PPM1E: variants seen among roughly 807,000 people sequenced by gnomAD.
The protein encoded by PPM1E is protein phosphatase, Mg2+/Mn2+ dependent 1E, also known as protein phosphatase 1E.
PPM1E carries 20 observed loss-of-function variants against 65.9 expected under a neutral mutation model. The ratio of observed to expected loss-of-function variants is 0.30; its 90% confidence interval spans 0.21 to 0.44. The LOEUF is 0.44. PPM1E is among the 20% of genes least tolerant of loss of function. PPM1E has a pLI of 1.00. For missense variants in PPM1E, 713 were observed against 953.1 expected (o/e 0.75, Z 3.32); for synonymous variants, 352 against 374.9 (o/e 0.94, Z 0.70).
intron 1 of PPM1E, among the ~76,000 whole-genome samples, chr17:58,878,970 G>T (rs1225423040): frequency 1.3e-5 from 2 of 151,220 alleles, no homozygotes. Flanking sequence ...AAACTTAAAT[G>T]ATTTTATTTT....
At chr17:58,860,710 G>A (rs2050930177) in intron 1 of PPM1E, among the ~76,000 whole-genome samples, 2 of 152,208 alleles carry the variant, frequency 1.3e-5, no homozygotes, top group Non-Finnish European at 2.9e-5. Flanking sequence ...TTGGGAGGCC[G>A]AGGCGGGCAG....
At chr17:58,840,123 G>A (rs948106646) in intron 1 of PPM1E, among the ~76,000 whole-genome samples, 2 of 152,202 alleles carry the variant, frequency 1.3e-5, no homozygotes, top group African/African-American at 4.8e-5. Context: ...CTCATGTGAA[G>A]CTTCCAGTTT....
chr17:58,768,061 C>T (rs1268480028), intron 1 of PPM1E, among the ~76,000 whole-genome samples: 1 of 152,088 alleles, frequency 6.6e-6, no homozygotes, highest in Admixed American at 6.6e-5. Context: ...AAGGATTCTC[C>T]TGCCTCATCC....
At chr17:58,887,507 A>G (rs1461898136) in intron 1 of PPM1E, among the ~76,000 whole-genome samples, 2 of 152,184 alleles carry the variant, frequency 1.3e-5, no homozygotes, top group African/African-American at 4.8e-5. Flanking sequence ...AAATAAGTGA[A>G]TGCATGAATG....
chr17:58,972,703 C>A (rs2030720443), intron 5 of PPM1E, 129 bp from the exon 6 acceptor site: 1 of 821,544 alleles, frequency 1.2e-6, no homozygotes, highest in Non-Finnish European at 2.0e-6. Context: ...ACTGTGCCCA[C>A]CCTCCAATGG....
intron 1 of PPM1E, among the ~76,000 whole-genome samples, chr17:58,901,949 C>G (rs749432624): frequency 6.6e-6 from 1 of 151,998 alleles, no homozygotes; most frequent in Admixed American, 6.6e-5. Context: ...GCACTCCAGC[C>G]TGGGCAACAA....
intron 1 of PPM1E, among the ~76,000 whole-genome samples, chr17:58,806,640 T>C (rs1236738460): frequency 6.6e-6 from 1 of 151,920 alleles, no homozygotes; most frequent in Non-Finnish European, 1.5e-5. Context: ...GGAAGGAATA[T>C]GAAAGTGGCT....
At chr17:58,834,735 G>A (rs2050637271) in intron 1 of PPM1E, among the ~76,000 whole-genome samples, 1 of 151,934 alleles carries the variant, frequency 6.6e-6, no homozygotes, top group South Asian at 2.1e-4. Context: ...GCTCTTTTTT[G>A]TTCTATTGAT....
intron 2 of PPM1E, among the ~76,000 whole-genome samples, chr17:58,960,500 C>T (rs947906764): frequency 6.6e-6 from 1 of 152,058 alleles, no homozygotes; most frequent in African/African-American, 2.4e-5. Context: ...TTCTGGCCAG[C>T]ACGGTGGCTC....
intron 1 of PPM1E, among the ~76,000 whole-genome samples, chr17:58,930,467 A>T (rs1567878260): frequency 6.6e-6 from 1 of 152,174 alleles, no homozygotes; most frequent in Admixed American, 6.5e-5. Flanking sequence ...CTGTCTCAAA[A>T]AAAGAAAAGA....
chr17:58,814,434 C>T (rs1318822428), intron 1 of PPM1E, among the ~76,000 whole-genome samples: 5 of 152,146 alleles, frequency 3.3e-5, no homozygotes, highest in African/African-American at 1.2e-4. Context: ...TGTATTACTA[C>T]CCCAATATAT....
chr17:58,805,372 T>A (rs756873143), intron 1 of PPM1E, among the ~76,000 whole-genome samples: 45 of 152,166 alleles, frequency 3.0e-4, no homozygotes, highest in Non-Finnish European at 6.2e-4. Context: ...TGCCTCAACC[T>A]CCCGAGTAAC....
At chr17:58,919,153 G>C (rs564924560) in intron 1 of PPM1E, among the ~76,000 whole-genome samples, 1 of 152,244 alleles carries the variant, frequency 6.6e-6, no homozygotes, top group African/African-American at 2.4e-5. Flanking sequence ...AATGCCTAAA[G>C]GTTTTATGGC....
chr17:58,882,126 C>G (rs567032823), intron 1 of PPM1E, among the ~76,000 whole-genome samples: 3 of 151,898 alleles, frequency 2.0e-5, no homozygotes, highest in South Asian at 2.1e-4. Context: ...GAGCCATTAT[C>G]ATGTCACTGC....
intron 1 of PPM1E, among the ~76,000 whole-genome samples, chr17:58,932,159 T>TA (rs774260500): frequency 6.6e-6 from 1 of 151,812 alleles, no homozygotes; most frequent in Non-Finnish European, 1.5e-5. Context: ...GGGTGAGAGA[T>TA]AGTAGGAAGT....
At chr17:58,935,970 C>G (rs187582082) in intron 1 of PPM1E, among the ~76,000 whole-genome samples, 40 of 147,814 alleles carry the variant, frequency 2.7e-4, no homozygotes, top group African/African-American at 7.6e-4. Context: ...ATCTCTCCCC[C>G]CTCCCGCCAC....
chr17:58,759,467 G>A (rs2049802336), intron 1 of PPM1E, among the ~76,000 whole-genome samples: 1 of 152,178 alleles, frequency 6.6e-6, no homozygotes, highest in South Asian at 2.1e-4. Context: ...TATCTGTGTA[G>A]TTTATATGGG....
chr17:58,760,030 A>C (rs1403107089), intron 1 of PPM1E, among the ~76,000 whole-genome samples: 1 of 152,204 alleles, frequency 6.6e-6, no homozygotes. Flanking sequence ...CACATAAGCA[A>C]AAAGAGGAAA....
intron 1 of PPM1E, among the ~76,000 whole-genome samples, chr17:58,952,444 T>A (rs1400696522): frequency 6.6e-6 from 1 of 152,202 alleles, no homozygotes; most frequent in Non-Finnish European, 1.5e-5. Flanking sequence ...GCCAGCCTGT[T>A]TCTCAGGCCC....
Sources: allele counts gnomAD v4.1 joint callset (sites outside exome capture counted in the v4.1 genomes callset), GRCh38; gene constraint gnomAD v4.1.1; transcripts MANE v1.5; gene names NCBI Gene and HGNC (gene_info 2026-07-23, HGNC 2026-07-21).